The following PTPRH variants were observed in gnomAD, a reference collection of about 807,000 sequenced individuals.
The protein encoded by PTPRH is receptor-type tyrosine-protein phosphatase H.
PTPRH carries 113 observed loss-of-function variants against 130.2 expected under a neutral mutation model. The ratio of observed to expected loss-of-function variants is 0.87; its 90% CI spans 0.75 to 1.01. The LOEUF (loss-of-function observed/expected upper bound fraction) is 1.01, where lower values mean the gene tolerates loss of function less well. PTPRH is among the 50% of genes least tolerant of loss of function. The pLI is 0.00. For missense variants in PTPRH, 1,430 were observed against 1,425.0 expected, an observed-to-expected ratio of 1.00 and a Z score of -0.06; for synonymous variants, 556 against 577.9, an observed-to-expected ratio of 0.96 and a Z score of 0.54.
intron 10 of PTPRH, 27 bp downstream of exon 10, chr19:55,196,495 C>G: frequency 6.3e-7 from 1 of 1,591,882 alleles, no homozygotes; most frequent in Middle Eastern, 2.0e-4. Flanking sequence ...TTCATCATAG[C>G]TGGCTGGCCC....
chr19:55,201,019 G>T (rs1013762626), intron 6 of PTPRH, among the ~76,000 whole-genome samples: 4 of 152,098 alleles, frequency 2.6e-5, no homozygotes, highest in African/African-American at 9.7e-5. Context: ...TAGGGCCCTT[G>T]CAAGATTAGG....
At chr19:55,185,057 C>T (rs554260109) in intron 18 of PTPRH, among the ~76,000 whole-genome samples, 10 of 151,234 alleles carry the variant, frequency 6.6e-5, no homozygotes, top group East Asian at 2.0e-4. Context: ...TGCAGTGGTG[C>T]GACCTCAGCT....
chr19:55,187,490 A>C, intron 14 of PTPRH, 23 bp downstream of exon 14: 1 of 1,595,046 alleles, frequency 6.3e-7, no homozygotes. Context: ...CTGGGACAAA[A>C]GCAGCAGGAA....
intron 5 of PTPRH, 133 bp downstream of exon 5, chr19:55,203,649 T>C (rs2086944263): frequency 1.8e-6 from 2 of 1,089,344 alleles, no homozygotes; most frequent in Non-Finnish European, 2.5e-6. Context: ...TGATAGAAAA[T>C]TGAAATTCTC....
At position 55,188,090 on chromosome 19, in the gene PTPRH, T is replaced by C. The variant is rs1249937631; in HGVS notation, c.2463A>G (p.Ala821=). 2.5e-6 allele frequency: 4 copies of C among 1,614,058 alleles called. No homozygotes were observed. Among genetic ancestry groups the C allele is most frequent in the South Asian group, 1.1e-5 (1 of 91,086 alleles). The change falls in exon 13 of 20, where the codon GCA becomes GCG. Residue 821 remains alanine, a synonymous_variant. Coordinates refer to ENST00000376350, the MANE Select transcript of PTPRH (RefSeq NM_002842.5). The part of the protein sequence containing the change: ...KNERDSNCGF[A]DEYQQLSLVG... ...GTCCTCTCCCCACCTGGTACTCGTC[T>C]GCAAAACCACAGTTGCTGTCCCTCT...
intron 13 of PTPRH, 98 bp from the exon 14 acceptor site, chr19:55,187,701 T>A: frequency 1.2e-6 from 1 of 858,386 alleles, no homozygotes; most frequent in Non-Finnish European, 2.0e-6. Flanking sequence ...GCATCACCCC[T>A]TGTTTATTCG....
chr19:55,183,360 C>T (rs1481605328), intron 18 of PTPRH, among the ~76,000 whole-genome samples: 2 of 151,348 alleles, frequency 1.3e-5, no homozygotes, highest in Non-Finnish European at 2.9e-5. Flanking sequence ...GCCGAGATCA[C>T]ATCACTGCAC....
intron 12 of PTPRH, among the ~76,000 whole-genome samples, chr19:55,190,783 C>T (rs1271665740): frequency 1.3e-5 from 2 of 150,810 alleles, no homozygotes; most frequent in East Asian, 1.9e-4. Flanking sequence ...GCGTGAGCCA[C>T]CATGCCTGGC....
chr19:55,187,482 G>A, intron 14 of PTPRH, 31 bp downstream of exon 14: 1 of 1,579,070 alleles, frequency 6.3e-7, no homozygotes, highest in Non-Finnish European at 8.7e-7. Flanking sequence ...GATCAGGGCT[G>A]GGACAAAAGC....
Position 55,181,822 on chromosome 19 carries a change from A to G in PTPRH, c.3280T>C (p.Tyr1094His), listed in dbSNP as rs2086180341. The G allele has an allele frequency of 1.2e-6, 2 of 1,614,178 alleles. No individual in the cohort carries two copies. The highest frequency in any genetic ancestry group is 1.1e-5 in the South Asian group (1 of 91,076). ...TAGATGAGGTTTTCGACATCCTCAT[A>G]CGGGACTTCCTTCTCGGCTGGGGCC... is the stretch of plus-strand genomic sequence containing the variant. ...AQAPAEKEVP[Y>H]EDVENLIYEN... The change falls in exon 20 of 20, where the codon TAT becomes CAT. Residue 1094 changes from tyrosine (Y) to histidine (H), a missense_variant. Transcript: ENST00000376350.
intron 6 of PTPRH, among the ~76,000 whole-genome samples, chr19:55,201,591 G>A (rs1600063382): frequency 6.6e-6 from 1 of 152,252 alleles, no homozygotes; most frequent in Non-Finnish European, 1.5e-5. Flanking sequence ...CGTGTGGCTA[G>A]TGGCTACCAT....
At chr19:55,187,046 G>GA (rs139074763) in intron 14 of PTPRH, among the ~76,000 whole-genome samples, 19,339 of 133,682 alleles carry the variant, frequency 0.14, 1,432 homozygotes, top group South Asian at 0.23. Context: ...CTGTCTCAAA[G>GA]AAAAAAAAAA....
intron 5 of PTPRH, 120 bp from the exon 6 acceptor site, chr19:55,202,442 G>C: frequency 2.8e-6 from 4 of 1,429,846 alleles, no homozygotes; most frequent in Non-Finnish European, 3.7e-6. Flanking sequence ...GCACTGTCCA[G>C]TGTGGCAGCC....
Position 55,202,463 on chromosome 19 carries a change from CG to C in PTPRH, c.887-142del. 11 of 1,320,564 alleles carry C rather than the reference CG, an allele frequency of 8.3e-6. No homozygotes were observed. The South Asian group carries it at 1.5e-4, about 19-fold the overall frequency. 81.8% of individuals were successfully genotyped at this position (1,320,564 alleles called of 1,614,324 possible). On this transcript the variant is annotated intron_variant, in intron 5 of 19. Coordinates refer to ENST00000376350, the MANE Select transcript of PTPRH (RefSeq NM_002842.5). Reference sequence around the variant, plus strand: ...TCCAGTGTGGCAGCCACGAGTTCCACGTGAGTGTTGAGCACCGTGAGGTGGC... The same window carrying C: ...TCCAGTGTGGCAGCCACGAGTTCCACTGAGTGTTGAGCACCGTGAGGTGGC...
At chr19:55,200,086 G>T in intron 7 of PTPRH, 150 bp downstream of exon 7, 1 of 921,940 alleles carries the variant, frequency 1.1e-6, no homozygotes. Flanking sequence ...CCAGCCCCCA[G>T]CTGTGATTAC....
At position 55,203,803 on chromosome 19, in the gene PTPRH, C is replaced by T. The variant is rs138529051; in HGVS notation, c.865G>A (p.Glu289Lys). Residue 289 changes from glutamate (E) to lysine (K), a missense_variant, in exon 5 of 20, where the codon GAG becomes AAG. Physicochemically the swap from Glu to Lys is moderately conservative, Grantham distance 56. Transcript: ENST00000376350. The stretch of plus-strand genomic sequence containing the variant: ...TTACCTGTGGCACTAGTGACAATCT[C>T]CACAGAGCTATTTACTCCGTCTTTC... Reference protein sequence around the residue: ...VEKDGVNSSVEIVTSATAPNP... With the variant: ...VEKDGVNSSVKIVTSATAPNP... The T allele has an allele frequency of 5.6e-6, 9 of 1,610,250 alleles. No homozygotes were observed. In the African/African-American group the frequency reaches 6.7e-5, roughly 12 times the overall value.
intron 1 of PTPRH, 157 bp from the exon 2 acceptor site, chr19:55,207,356 G>T (rs1233221500): frequency 2.7e-6 from 2 of 736,558 alleles, no homozygotes; most frequent in African/African-American, 1.8e-5. Flanking sequence ...GACCTCGACC[G>T]TCTTTCCTGG....
At chr19:55,200,945 A>C (rs1209128045) in intron 6 of PTPRH, among the ~76,000 whole-genome samples, 1 of 134,838 alleles carries the variant, frequency 7.4e-6, no homozygotes, top group Non-Finnish European at 1.6e-5. Flanking sequence ...TCCGTCTCAA[A>C]ACAAACAAAA....
chr19:55,181,865 G>A lies in PTPRH; in HGVS notation c.3237C>T (p.Phe1079=). Residue 1079 remains phenylalanine (F), a synonymous_variant, in exon 20 of 20, where the codon TTC becomes TTT. Coordinates refer to ENST00000376350, the MANE Select transcript of PTPRH (RefSeq NM_002842.5). ...CTGGGGCCTGGGCTGACTGTTGGAG[G>A]AACCGCAGGATGCACTGATGCAGGA... ...YVFLHQCILR[F]LQQSAQAPAE... is the part of the protein sequence containing the mutation. 1 of 1,614,220 alleles carries A rather than the reference G, an allele frequency of 6.2e-7. No homozygotes were observed.
Sources: gnomAD v4.1 joint callset for allele counts (sites outside exome capture counted in the v4.1 genomes callset) on GRCh38, gnomAD v4.1.1 for gene constraint, MANE v1.5 for transcripts, NCBI Gene and HGNC (gene_info 2026-07-23, HGNC 2026-07-21) for gene names.